ST13: variants seen among roughly 807,000 people sequenced by gnomAD.
The protein encoded by ST13 is hsc70-interacting protein.
ST13 carries 23 observed loss-of-function variants against 56.7 expected under a neutral mutation model. The ratio of observed to expected loss-of-function variants is 0.41; its 90% CI spans 0.29 to 0.57. The LOEUF (loss-of-function observed/expected upper bound fraction) is 0.57, where lower values mean the gene tolerates loss of function less well. ST13 is among the 20% of genes least tolerant of loss of function. The probability of loss-of-function intolerance (pLI) is 0.36; values close to 1 mark genes in which losing one functional copy is unlikely to be tolerated. For missense variants in ST13, 369 were observed against 459.9 expected (o/e 0.80, Z 1.81); for synonymous variants, 132 against 142.4 (o/e 0.93, Z 0.52).
intron 10 of ST13, among the ~76,000 whole-genome samples, chr22:40,827,625 G>A (rs1295827535): frequency 2.6e-5 from 4 of 151,790 alleles, no homozygotes; most frequent in African/African-American, 7.3e-5. Flanking sequence ...CTACAGGCAC[G>A]CACCACTATG....
chr22:40,829,719 A>G, intron 9 of ST13, 45 bp from the exon 10 acceptor site: 1 of 1,163,818 alleles, frequency 8.6e-7, no homozygotes, highest in South Asian at 2.0e-5. Context: ...AGAAGAAATA[A>G]GTGCTGTCCA....
chr22:40,829,680 A>ATT lies in ST13; in HGVS notation c.799-7_799-6insAA, dbSNP rs1241374338. The ATT allele has an allele frequency of 6.9e-7, 1 of 1,450,502 alleles. No homozygotes were observed. Among genetic ancestry groups the ATT allele is most frequent in the East Asian group, 2.4e-5 (1 of 42,272 alleles). 89.9% of individuals were successfully genotyped at this position (1,450,502 alleles called of 1,614,324 possible). On this transcript the variant is annotated splice_polypyrimidine_tract_variant and splice_region_variant and intron_variant, in intron 9 of 11. Transcript: ENST00000216218. The stretch of plus-strand genomic sequence containing the variant: ...TGTCGTCTGGCTTCTTCCTCCTTTG[A>ATT]TACAAAAGGAAATAAATTATATAAT...
chr22:40,829,449 C>T (rs1374757195), intron 10 of ST13, among the ~76,000 whole-genome samples, 177 bp downstream of exon 10: 2 of 152,086 alleles, frequency 1.3e-5, no homozygotes, highest in Non-Finnish European at 2.9e-5. Flanking sequence ...TTACACTGTA[C>T]AAAAAACATC....
At chr22:40,836,597 C>T (rs1240412642) in intron 5 of ST13, among the ~76,000 whole-genome samples, 2 of 152,080 alleles carry the variant, frequency 1.3e-5, no homozygotes, top group African/African-American at 4.8e-5. Flanking sequence ...ATGTTAACTT[C>T]ACAGGGCTGA....
Position 40,849,470 on chromosome 22 carries a change from ACT to A in ST13, c.169-1103_169-1102del, listed in dbSNP as rs564748602. 2.8e-4 allele frequency among the ~76,000 whole-genome samples: 37 copies of A among 132,652 alleles called. No homozygotes were observed. The East Asian group carries it at 6.6e-3, about 24-fold the overall frequency. The allele number at this position is 132,652 out of a possible 152,430, so 87.0% of individuals were successfully genotyped here. A position where few individuals can be genotyped will look rare whatever the true frequency, so the allele number is the denominator to read the frequency against. ...ACTCCAGCCTGGGCAACAGAGTGAG[ACT>A]CTGTCTCAAAAAAAAAAAAAAAAAA... On this transcript the variant is annotated intron_variant, in intron 2 of 11. Transcript: ENST00000216218.
At chr22:40,842,942 T>C (rs2057811643) in intron 4 of ST13, among the ~76,000 whole-genome samples, 1 of 152,130 alleles carries the variant, frequency 6.6e-6, no homozygotes, top group South Asian at 2.1e-4. Flanking sequence ...TTGTCTCTAC[T>C]AAGAATTTTT....
chr22:40,825,678 G>T lies in ST13; in HGVS notation c.*860C>A, dbSNP rs1348342625. The T allele has an allele frequency of 1.3e-5, 2 of 152,056 alleles. No homozygotes were observed. Among genetic ancestry groups the T allele is most frequent in the African/African-American group, 4.8e-5 (2 of 41,380 alleles). 9.4% of individuals were successfully genotyped at this position (152,056 alleles called of 1,614,324 possible). ...AAAGCCTGTCTTTAGCTCAAGAAAA[G>T]TAAGGGAGACAAATGTAGCAAGCAG... On this transcript the variant is annotated 3_prime_UTR_variant, in exon 12 of 12. Transcript: ENST00000216218.
At chr22:40,844,044 G>A (rs1366324926) in intron 4 of ST13, among the ~76,000 whole-genome samples, 1 of 151,936 alleles carries the variant, frequency 6.6e-6, no homozygotes, top group Non-Finnish European at 1.5e-5. Flanking sequence ...CATCATGCCT[G>A]GCTTATTTTT....
intron 1 of ST13, 129 bp downstream of exon 1, chr22:40,856,302 G>T: frequency 2.6e-6 from 2 of 770,430 alleles, no homozygotes; most frequent in South Asian, 1.6e-5. Context: ...CCTCGAAGTT[G>T]CCTCCCTTTC....
intron 3 of ST13, among the ~76,000 whole-genome samples, chr22:40,845,864 A>G (rs779975633): frequency 1.3e-4 from 20 of 152,202 alleles, no homozygotes; most frequent in Admixed American, 6.5e-4. Context: ...AGCAACAACA[A>G]AACTTGACGC....
intron 5 of ST13, among the ~76,000 whole-genome samples, chr22:40,838,461 A>G (rs1156853668): frequency 1.3e-5 from 2 of 152,152 alleles, no homozygotes; most frequent in Non-Finnish European, 2.9e-5. Flanking sequence ...TATTGCCGAG[A>G]CAGTAAATTT....
At chr22:40,850,236 T>A (rs906413552) in intron 2 of ST13, among the ~76,000 whole-genome samples, 8 of 152,322 alleles carry the variant, frequency 5.3e-5, no homozygotes, top group African/African-American at 1.9e-4. Flanking sequence ...CAGACCTGGG[T>A]GACACAGTGA....
At chr22:40,845,531 G>C (rs532802388) in intron 3 of ST13, among the ~76,000 whole-genome samples, 1 of 152,138 alleles carries the variant, frequency 6.6e-6, no homozygotes, top group African/African-American at 2.4e-5. Context: ...GCTTACTACT[G>C]ATGCAGAATC....
rs769856158 is a variant in ST13 at position 40,832,710 on chromosome 22, C to T, written c.579-39G>A. The T allele has an allele frequency of 3.5e-6, 5 of 1,415,324 alleles. No individual in the cohort carries two copies. In the South Asian group the frequency reaches 5.7e-5, roughly 16 times the overall value. The allele number at this position is 1,415,324 out of a possible 1,614,324, so 87.7% of individuals were successfully genotyped here. ...ACACTCATTTTAGGAGCCTTTTATA[C>T]ATATTCACCTATGTGGCATGATATC... On this transcript the variant is annotated intron_variant, in intron 7 of 11. Transcript: ENST00000216218.
chr22:40,844,931 C>A (rs1489037607), intron 3 of ST13, 22 bp from the exon 4 acceptor site: 2 of 1,588,212 alleles, frequency 1.3e-6, no homozygotes, highest in Non-Finnish European at 1.7e-6. Context: ...GAGAAAATGA[C>A]AATAAGACCT....
chr22:40,833,689 A>C (rs2057764492), intron 7 of ST13, among the ~76,000 whole-genome samples: 1 of 152,102 alleles, frequency 6.6e-6, no homozygotes, highest in Non-Finnish European at 1.5e-5. Flanking sequence ...CAGCCTGGCC[A>C]ATGTGGCAAA....
intron 9 of ST13, among the ~76,000 whole-genome samples, chr22:40,830,410 A>C (rs2057748635): frequency 6.6e-6 from 1 of 152,130 alleles, no homozygotes; most frequent in Non-Finnish European, 1.5e-5. Context: ...ACCTCCCACC[A>C]CAGCCTCCCA....
At chr22:40,827,324 C>T in intron 10 of ST13, 95 bp from the exon 11 acceptor site, 1 of 1,296,766 alleles carries the variant, frequency 7.7e-7, no homozygotes, top group Non-Finnish European at 1.1e-6. Context: ...AATATGGGTG[C>T]CACTAAGCAC....
Position 40,826,645 on chromosome 22 carries a change from A to T in ST13, c.1003T>A (p.Phe335Ile). The part of the protein sequence containing the change: ...AMQDPEVMVA[F>I]QDVAQNPANM... ...GCTGGGTTCTGAGCCACATCCTGGA[A>T]AGCCACCATAACTTCTGGATCCTGA... is the stretch of plus-strand genomic sequence containing the variant. The change falls in exon 12 of 12, where the codon TTC becomes ATC. Residue 335 changes from phenylalanine to isoleucine, a missense_variant. Phe to Ile is a conservative substitution (Grantham distance 21, BLOSUM62 0). This residue lies in a region of ST13 where 136 missense variants were observed against 159.2 expected (regional missense o/e 0.85). Coordinates refer to ENST00000216218, the MANE Select transcript of ST13 (RefSeq NM_003932.5). 1 of 1,609,568 alleles carries T rather than the reference A, an allele frequency of 6.2e-7. No individual in the cohort carries two copies. Among genetic ancestry groups the T allele is most frequent in the South Asian group, 1.1e-5 (1 of 91,072 alleles).
Sources: allele counts gnomAD v4.1 joint callset (sites outside exome capture counted in the v4.1 genomes callset), GRCh38; gene constraint gnomAD v4.1.1; regional missense constraint gnomAD v4.1.1; transcripts MANE v1.5; gene names NCBI Gene and HGNC (gene_info 2026-07-23, HGNC 2026-07-21).